CREM: variants seen among roughly 807,000 people sequenced by gnomAD.
CREM encodes the protein cAMP-responsive element modulator.
A neutral mutation model predicts 37.3 loss-of-function variants in CREM; 13 were observed. The ratio of observed to expected loss-of-function variants is 0.35; its 90% confidence interval spans 0.23 to 0.55. CREM has a LOEUF of 0.55. Among genes scored for constraint, CREM ranks in the 20% least tolerant of loss-of-function variants. The pLI is 0.88. For missense variants in CREM, 296 were observed against 362.3 expected (o/e 0.82, Z 1.49); for synonymous variants, 124 against 120.2 (o/e 1.03, Z -0.21).
At chr10:35,178,760 G>A in intron 3 of CREM, 129 bp from the exon 4 acceptor site, 1 of 632,532 alleles carries the variant, frequency 1.6e-6, no homozygotes, top group Non-Finnish European at 2.7e-6. Context: ...GATTCACTGT[G>A]TTCTATTGCT....
chr10:35,165,990 A>T (rs1276560638), intron 3 of CREM, among the ~76,000 whole-genome samples: 5 of 152,190 alleles, frequency 3.3e-5, no homozygotes, highest in African/African-American at 1.2e-4. Context: ...TTTTAGAAAC[A>T]TGAAATTTGA....
chr10:35,177,815 T>C (rs1358278905), intron 3 of CREM, among the ~76,000 whole-genome samples: 1 of 152,198 alleles, frequency 6.6e-6, no homozygotes, highest in East Asian at 1.9e-4. Context: ...GGAGTTGTTA[T>C]GATTCTATGA....
intron 5 of CREM, among the ~76,000 whole-genome samples, chr10:35,187,162 ATT>A (rs1491317784): frequency 2.0e-4 from 12 of 59,644 alleles, no homozygotes; most frequent in Non-Finnish European, 2.5e-4. Flanking sequence ...TATAATATAT[ATT>A]ATATATTAAT....
At chr10:35,168,748 T>G (rs2093668468) in intron 3 of CREM, among the ~76,000 whole-genome samples, 1 of 152,224 alleles carries the variant, frequency 6.6e-6, no homozygotes, top group Admixed American at 6.5e-5. Flanking sequence ...ATTTAAGTCT[T>G]TAATCCGTCT....
intron 1 of CREM, among the ~76,000 whole-genome samples, chr10:35,132,588 G>C (rs1460433563): frequency 6.6e-6 from 1 of 152,252 alleles, no homozygotes; most frequent in South Asian, 2.1e-4. Context: ...ATTTATTTAC[G>C]AGTATCCCTC....
intron 6 of CREM, among the ~76,000 whole-genome samples, chr10:35,191,714 T>G (rs781009831): frequency 2.0e-5 from 3 of 152,160 alleles, no homozygotes; most frequent in Non-Finnish European, 4.4e-5. Context: ...TCAGTCCTGT[T>G]GCTGGGCTAA....
intron 7 of CREM, 33 bp downstream of exon 7, chr10:35,207,084 A>G (rs1267754430): frequency 5.7e-6 from 9 of 1,588,688 alleles, no homozygotes; most frequent in Non-Finnish European, 7.7e-6. Context: ...GGTAACTTCT[A>G]GGACACTTTT....
At chr10:35,127,483 T>A (rs961688882) in intron 1 of CREM, 1 of 152,260 alleles carries the variant, frequency 6.6e-6, no homozygotes, top group African/African-American at 2.4e-5. Context: ...CCTCGCGAAC[T>A]TGGGACGAGT....
chr10:35,209,190 T>G (rs2095608707), intron 7 of CREM: 1 of 490,060 alleles, frequency 2.0e-6, no homozygotes, highest in Admixed American at 6.4e-5. Context: ...AGTGTGAGGC[T>G]TTAGTCATTC....
intron 6 of CREM, among the ~76,000 whole-genome samples, chr10:35,196,696 C>T (rs2095184832): frequency 6.6e-6 from 1 of 152,054 alleles, no homozygotes; most frequent in Non-Finnish European, 1.5e-5. Context: ...TCAAACACTG[C>T]ATGTCATATG....
chr10:35,160,826 AC>A (rs1268705333), intron 3 of CREM, among the ~76,000 whole-genome samples: 1 of 152,218 alleles, frequency 6.6e-6, no homozygotes, highest in Non-Finnish European at 1.5e-5. Context: ...TTTGTTAAAA[AC>A]TGAGACACAA....
At position 35,188,193 on chromosome 10, in the gene CREM, T is replaced by C; in HGVS notation, c.410-7T>C. On this transcript the variant is annotated splice_region_variant and splice_polypyrimidine_tract_variant and intron_variant, in intron 5 of 7. Transcript: ENST00000685392. Reference sequence around the variant, plus strand: ...TTCTCTAATATTTCTTTTCTTTTTCTGTTAAGTTGCTATAGCCCAAGGTGG... The same window carrying C: ...TTCTCTAATATTTCTTTTCTTTTTCCGTTAAGTTGCTATAGCCCAAGGTGG... 1 of 1,593,640 alleles carries C rather than the reference T, an allele frequency of 6.3e-7. No homozygotes were observed. Among genetic ancestry groups the C allele is most frequent in the South Asian group, 1.1e-5 (1 of 87,108 alleles).
chr10:35,201,163 TA>T (rs2095371517), intron 6 of CREM, among the ~76,000 whole-genome samples: 1 of 152,246 alleles, frequency 6.6e-6, no homozygotes, highest in Non-Finnish European at 1.5e-5. Context: ...TTAATAGGCA[TA>T]TTTTTTAACA....
intron 3 of CREM, among the ~76,000 whole-genome samples, chr10:35,155,301 A>G (rs1175409318): frequency 6.6e-6 from 1 of 152,184 alleles, no homozygotes; most frequent in Non-Finnish European, 1.5e-5. Flanking sequence ...GTATAAATAC[A>G]GTTACTCCTT....
chr10:35,156,577 T>C (rs1390353586), intron 3 of CREM, among the ~76,000 whole-genome samples: 1 of 152,240 alleles, frequency 6.6e-6, no homozygotes, highest in African/African-American at 2.4e-5. Context: ...CCTTATTTTA[T>C]CGTTTGTTAT....
At position 35,179,221 on chromosome 10, in the gene CREM, T is replaced by C; in HGVS notation, c.354T>C (p.Ser118=). 1 of 1,614,086 alleles carries C rather than the reference T, an allele frequency of 6.2e-7. No individual in the cohort carries two copies. The highest frequency in any genetic ancestry group is 2.2e-5 in the East Asian group (1 of 44,868). Residue 118 remains serine (S), a synonymous_variant, in exon 5 of 8, where the codon AGT becomes AGC. Transcript: ENST00000685392. ...CAGAGGAAGAAGGAACACCACCTAG[T>C]ATTGCTACCATGGCAGTACCAACTA... ...ERSEEEGTPP[S]IATMAVPTSI...
At chr10:35,129,882 A>G (rs1019133890) in intron 1 of CREM, among the ~76,000 whole-genome samples, 6 of 152,188 alleles carry the variant, frequency 3.9e-5, no homozygotes, top group African/African-American at 1.2e-4. Context: ...CAGTTTTGAT[A>G]TTATCAACAC....
chr10:35,138,977 G>C (rs2091046360), intron 2 of CREM, among the ~76,000 whole-genome samples: 1 of 151,946 alleles, frequency 6.6e-6, no homozygotes, highest in Non-Finnish European at 1.5e-5. Context: ...TTGGATCCCA[G>C]TATATTCAAA....
intron 2 of CREM, among the ~76,000 whole-genome samples, chr10:35,145,469 C>G (rs563977114): frequency 6.6e-6 from 1 of 152,180 alleles, no homozygotes; most frequent in African/African-American, 2.4e-5. Flanking sequence ...TTTCATGGAT[C>G]ACATATATCA....
Sources: gnomAD v4.1 joint callset for allele counts (sites outside exome capture counted in the v4.1 genomes callset) on GRCh38, gnomAD v4.1.1 for gene constraint, MANE v1.5 for transcripts, NCBI Gene and HGNC (gene_info 2026-07-23, HGNC 2026-07-21) for gene names.